CDH12: variants seen among roughly 807,000 people sequenced by gnomAD.
CDH12 encodes the protein cadherin-12.
A neutral mutation model predicts 74.1 loss-of-function variants in CDH12; 41 were observed. The ratio of observed to expected loss-of-function variants is 0.55; its 90% CI spans 0.43 to 0.72. CDH12 has a LOEUF of 0.72. CDH12 is among the 30% of genes least tolerant of loss of function. The pLI, the probability that CDH12 is intolerant of heterozygous loss-of-function variation, is 0.00. For missense variants in CDH12, 945 were observed against 977.2 expected (o/e 0.97, Z 0.44); for synonymous variants, 399 against 355.0 (o/e 1.12, Z -1.39).
intron 3 of CDH12, among the ~76,000 whole-genome samples, chr5:22,304,158 C>T (rs1026516318): frequency 2.0e-5 from 3 of 151,940 alleles, no homozygotes; most frequent in South Asian, 2.1e-4. Flanking sequence ...AAGGCAGCTA[C>T]GTAATTTAAT....
At chr5:21,884,978 C>G (rs191460392) in intron 6 of CDH12, among the ~76,000 whole-genome samples, 1 of 152,028 alleles carries the variant, frequency 6.6e-6, no homozygotes, top group Non-Finnish European at 1.5e-5. Context: ...CTCTGCCTCC[C>G]GGGTTCAAAC....
rs185509513 is a variant in CDH12 at position 22,788,720 on chromosome 5, A to G, written c.-523+64338T>C. ...AAACTATAATTATATATCATTTTAT[A>G]TATGTATAGTTATGTATTTATATAA... On this transcript the variant is annotated intron_variant, in intron 1 of 14. Coordinates refer to ENST00000382254, the MANE Select transcript of CDH12 (RefSeq NM_004061.5). 4.2e-4 allele frequency among the ~76,000 whole-genome samples: 63 copies of G among 149,042 alleles called. 1 individual carries two copies. The East Asian group carries it at 0.011, about 27-fold the overall frequency.
intron 4 of CDH12, among the ~76,000 whole-genome samples, chr5:22,098,869 A>G (rs1743964585): frequency 6.6e-6 from 1 of 152,176 alleles, no homozygotes. Context: ...CAGCAAAGGC[A>G]GGCTATGCTA....
At chr5:22,818,539 G>A (rs1749506233) in intron 1 of CDH12, among the ~76,000 whole-genome samples, 1 of 152,118 alleles carries the variant, frequency 6.6e-6, no homozygotes, top group African/African-American at 2.4e-5. Flanking sequence ...CTTCAAGATG[G>A]TGGCATGAAG....
chr5:22,406,282 T>TA (rs1315605229), intron 2 of CDH12, among the ~76,000 whole-genome samples: 3 of 152,076 alleles, frequency 2.0e-5, no homozygotes, highest in African/African-American at 7.2e-5. Context: ...GGGACTCAAT[T>TA]AATAGTTAGC....
intron 3 of CDH12, among the ~76,000 whole-genome samples, chr5:22,289,559 A>T (rs895293593): frequency 4.6e-5 from 7 of 152,218 alleles, no homozygotes; most frequent in Non-Finnish European, 7.3e-5. Flanking sequence ...AGAAACATCA[A>T]TTTGAACAAC....
intron 2 of CDH12, among the ~76,000 whole-genome samples, chr5:22,423,036 G>T (rs1216024414): frequency 6.6e-6 from 1 of 151,972 alleles, no homozygotes; most frequent in Non-Finnish European, 1.5e-5. Context: ...ATACTAGAGG[G>T]TTGAAATTTA....
At chr5:21,983,303 C>CAT (rs2150129107) in intron 5 of CDH12, among the ~76,000 whole-genome samples, 1 of 152,110 alleles carries the variant, frequency 6.6e-6, no homozygotes, top group African/African-American at 2.4e-5. Flanking sequence ...TATACATTTG[C>CAT]ATCTGAAATT....
rs548630710 is a variant in CDH12 at position 22,173,432 on chromosome 5, A to G, written c.-187+39066T>C. Reference sequence around the variant, plus strand: ...TAATAAATATTAAATAAATATTAATAAATATTTCAAATGCTTTAAAATATT... The same window carrying G: ...TAATAAATATTAAATAAATATTAATGAATATTTCAAATGCTTTAAAATATT... On this transcript the variant is annotated intron_variant, in intron 4 of 14. Coordinates refer to ENST00000382254, the MANE Select transcript of CDH12 (RefSeq NM_004061.5). Among the ~76,000 whole-genome samples, 17 of 148,148 alleles carry G rather than the reference A, an allele frequency of 1.1e-4. No homozygotes were observed. The East Asian group carries it at 3.1e-3, about 27-fold the overall frequency.
chr5:21,995,007 G>A (rs1736195853), intron 5 of CDH12, among the ~76,000 whole-genome samples: 1 of 152,066 alleles, frequency 6.6e-6, no homozygotes, highest in South Asian at 2.1e-4. Flanking sequence ...CTTTGGGTCT[G>A]CACTACCTTT....
chr5:22,548,445 T>C (rs565677999), intron 1 of CDH12, among the ~76,000 whole-genome samples: 1 of 152,054 alleles, frequency 6.6e-6, no homozygotes, highest in East Asian at 1.9e-4. Context: ...AAACAGCATA[T>C]CCAGTGCTTC....
At chr5:22,154,679 A>C (rs1269060084) in intron 4 of CDH12, among the ~76,000 whole-genome samples, 1 of 151,834 alleles carries the variant, frequency 6.6e-6, no homozygotes, top group Non-Finnish European at 1.5e-5. Flanking sequence ...AATATCAAAA[A>C]TAAAATAAAA....
chr5:21,862,683 G>T (rs1027090646), intron 6 of CDH12, among the ~76,000 whole-genome samples: 3 of 152,082 alleles, frequency 2.0e-5, no homozygotes, highest in African/African-American at 7.2e-5. Context: ...TGACAGTTTT[G>T]TATTCTAGGT....
chr5:22,487,186 GA>G, intron 2 of CDH12, among the ~76,000 whole-genome samples: 1 of 152,056 alleles, frequency 6.6e-6, no homozygotes, highest in African/African-American at 2.4e-5. Context: ...TATTTTAGTA[GA>G]GATGGGGTTT....
At chr5:22,218,073 G>GA (rs1034331911) in intron 3 of CDH12, among the ~76,000 whole-genome samples, 4 of 150,748 alleles carry the variant, frequency 2.7e-5, no homozygotes, top group East Asian at 3.9e-4. Context: ...AAATCAAAAA[G>GA]AAAAAAAACT....
intron 5 of CDH12, among the ~76,000 whole-genome samples, chr5:22,001,853 G>T (rs369965885): frequency 5.3e-4 from 81 of 151,996 alleles, no homozygotes; most frequent in Non-Finnish European, 1.0e-3. Context: ...AAATTAAAAG[G>T]TCCTTTTTTG....
At chr5:22,428,932 G>A (rs989982121) in intron 2 of CDH12, among the ~76,000 whole-genome samples, 10 of 151,944 alleles carry the variant, frequency 6.6e-5, no homozygotes, top group Non-Finnish European at 1.2e-4. Context: ...AAAAGCTCAG[G>A]CCAACCTTAT....
intron 3 of CDH12, among the ~76,000 whole-genome samples, chr5:22,324,331 C>A (rs1018673805): frequency 1.3e-5 from 2 of 151,888 alleles, no homozygotes; most frequent in Admixed American, 6.6e-5. Flanking sequence ...AAATCATTAT[C>A]ATTTTTTATT....
chr5:21,794,087 G>T (rs1445671902), intron 10 of CDH12, among the ~76,000 whole-genome samples: 4 of 151,452 alleles, frequency 2.6e-5, no homozygotes, highest in Non-Finnish European at 5.9e-5. Flanking sequence ...ATATGTGCAT[G>T]TGAGTTTTTT....
Sources: gnomAD v4.1 joint callset for allele counts (sites outside exome capture counted in the v4.1 genomes callset) on GRCh38, gnomAD v4.1.1 for gene constraint, MANE v1.5 for transcripts, NCBI Gene and HGNC (gene_info 2026-07-23, HGNC 2026-07-21) for gene names.